The following GON4L variants were observed in gnomAD, a reference collection of about 807,000 sequenced individuals.
GON4L encodes the protein gon-4 like, also known as GON-4-like protein.
Under a neutral mutation model 211.8 loss-of-function variants are expected in GON4L, and 87 were observed. The observed-to-expected ratio is 0.41, with a 90% CI of 0.35 to 0.49. GON4L has a LOEUF of 0.49. Among genes scored for constraint, GON4L ranks in the 20% least tolerant of loss-of-function variants. GON4L has a pLI of 0.15. For missense variants in GON4L, 2,155 were observed against 2,659.5 expected, an observed-to-expected ratio of 0.81 and a Z score of 4.17; for synonymous variants, 875 against 962.6, an observed-to-expected ratio of 0.91 and a Z score of 1.68.
At chr1:155,745,709 G>A, downstream of GON4L, 2 of 828,680 alleles carry the variant, frequency 2.4e-6, no homozygotes, top group South Asian at 3.3e-5. Flanking sequence ...AATGGGAAAG[G>A]ATGTGTTTGC....
chr1:155,832,279 C>CAAAAAAAAAAAAAAAAAAAAAAAAAAAA (rs71080731), intron 2 of GON4L, among the ~76,000 whole-genome samples: 10 of 57,366 alleles, frequency 1.7e-4, no homozygotes, highest in African/African-American at 3.5e-4. Flanking sequence ...GACTCCGTCT[C>CAAAAAAAAAAAAAAAAAAAAAAAAAAAA]AAAAAAAAAA....
Position 155,826,910 on chromosome 1 carries a change from T to C in GON4L, c.624A>G (p.Gln208=). The C allele has an allele frequency of 1.2e-6, 2 of 1,614,020 alleles. No individual in the cohort carries two copies. The highest frequency in any genetic ancestry group is 1.7e-6 in the Non-Finnish European group (2 of 1,179,858). ...GAAACAGAGTCCTGAGTGGCTTTTC[T>C]TGAGGAGAGGCACAAACATCTGGCT... The part of the protein sequence containing the change: ...STQPDVCASP[Q]EKPLRTLFHQ... Residue 208 remains glutamine, a synonymous_variant, in exon 3 of 32, where the codon CAA becomes CAG. Transcript: ENST00000368331.
At chr1:155,848,333 C>G (rs1557930932) in intron 2 of GON4L, among the ~76,000 whole-genome samples, 1 of 152,198 alleles carries the variant, frequency 6.6e-6, no homozygotes, top group African/African-American at 2.4e-5. Context: ...TCACCATCCC[C>G]TACCCCAGAT....
intron 2 of GON4L, among the ~76,000 whole-genome samples, chr1:155,829,364 G>T (rs556256644): frequency 2.6e-5 from 4 of 152,278 alleles, no homozygotes; most frequent in South Asian, 4.1e-4. Flanking sequence ...CTAGCACTTT[G>T]GGAGGCCAAG....
intron 11 of GON4L, among the ~76,000 whole-genome samples, chr1:155,797,210 G>A (rs1362185104): frequency 6.6e-6 from 1 of 151,988 alleles, no homozygotes; most frequent in East Asian, 1.9e-4. Flanking sequence ...CACCTGCTGG[G>A]TTCAAGCGAT....
chr1:155,756,894 A>T, intron 27 of GON4L, 64 bp downstream of exon 27: 1 of 1,257,294 alleles, frequency 8.0e-7, no homozygotes, highest in Non-Finnish European at 1.2e-6. Context: ...ACGCCACTGC[A>T]CTCTAGTTTG....
At chr1:155,836,770 CCAGT>C (rs1158783303) in intron 2 of GON4L, among the ~76,000 whole-genome samples, 3 of 152,294 alleles carry the variant, frequency 2.0e-5, no homozygotes, top group Non-Finnish European at 4.4e-5. Context: ...CTTCTAATGA[CCAGT>C]CATTTTACTT....
At chr1:155,808,409 T>C (rs1340424125) in intron 10 of GON4L, among the ~76,000 whole-genome samples, 1 of 152,176 alleles carries the variant, frequency 6.6e-6, no homozygotes, top group Non-Finnish European at 1.5e-5. Flanking sequence ...GATCTAGCTC[T>C]TGCCTTGCTC....
intron 21 of GON4L, 40 bp from the exon 22 acceptor site, chr1:155,763,604 T>C (rs750847999): frequency 1.5e-5 from 22 of 1,488,240 alleles, no homozygotes; most frequent in Non-Finnish European, 2.0e-5. Context: ...TGGCTCTTAG[T>C]GGCTCATGAA....
intron 2 of GON4L, 87 bp downstream of exon 2, chr1:155,853,189 G>A: frequency 8.8e-7 from 1 of 1,132,202 alleles, no homozygotes. Flanking sequence ...TCCCCTTTCA[G>A]AAATACTACT....
At chr1:155,821,286 A>AAAT (rs1030422421) in intron 5 of GON4L, among the ~76,000 whole-genome samples, 188 bp downstream of exon 5, 3 of 151,328 alleles carry the variant, frequency 2.0e-5, no homozygotes, top group South Asian at 4.2e-4. Context: ...AATAATAATA[A>AAAT]AATAATAATA....
chr1:155,798,236 TTATAA>T (rs1280180483), intron 11 of GON4L, among the ~76,000 whole-genome samples: 16 of 142,420 alleles, frequency 1.1e-4, no homozygotes, highest in East Asian at 4.0e-4. Flanking sequence ...TATACTCAGC[TTATAA>T]TATATTAATT....
At chr1:155,772,145 C>T (rs186763679) in intron 18 of GON4L, among the ~76,000 whole-genome samples, 24 of 151,214 alleles carry the variant, frequency 1.6e-4, no homozygotes, top group African/African-American at 4.4e-4. Flanking sequence ...AAAAGTGAAA[C>T]TCTGTTTAAA....
rs772434398 is a variant in GON4L, at chr1:155,773,216, A to T, written c.2351-6T>A. ...CAAACAGGGAAATTCATTCGCTATA[A>T]GAAAATAAATCTCGGATAAATCAAC... On this transcript the variant is annotated splice_region_variant and splice_polypyrimidine_tract_variant and intron_variant, in intron 17 of 31. Transcript: ENST00000368331. The T allele has an allele frequency of 6.2e-7, 1 of 1,614,062 alleles. No individual in the cohort carries two copies. Among genetic ancestry groups the T allele is most frequent in the Admixed American group, 1.7e-5 (1 of 60,010 alleles).
At chr1:155,801,557 TTC>T (rs767067728) in intron 11 of GON4L, among the ~76,000 whole-genome samples, 6 of 152,152 alleles carry the variant, frequency 3.9e-5, no homozygotes, top group Admixed American at 1.3e-4. Context: ...TCTTGTTATT[TTC>T]TCTCTCTTTT....
At chr1:155,790,748 A>G (rs1005907984) in intron 12 of GON4L, among the ~76,000 whole-genome samples, 7 of 150,310 alleles carry the variant, frequency 4.7e-5, no homozygotes, top group African/African-American at 1.5e-4. Context: ...GATCGAGACC[A>G]TCCTGGCCAA....
At chr1:155,828,589 T>C (rs1669440147) in intron 2 of GON4L, among the ~76,000 whole-genome samples, 5 of 151,458 alleles carry the variant, frequency 3.3e-5, no homozygotes, top group African/African-American at 1.2e-4. Flanking sequence ...GGTGGATCAC[T>C]TGAGGTCAGG....
intron 12 of GON4L, among the ~76,000 whole-genome samples, chr1:155,787,499 G>A (rs1665080010): frequency 6.6e-6 from 1 of 152,164 alleles, no homozygotes; most frequent in Non-Finnish European, 1.5e-5. Flanking sequence ...CAGGCCACGG[G>A]CAGTGGCTTA....
chr1:155,819,323 G>C (rs961686221), intron 6 of GON4L, among the ~76,000 whole-genome samples: 10 of 151,190 alleles, frequency 6.6e-5, no homozygotes, highest in African/African-American at 2.4e-4. Context: ...GGGAGAAATT[G>C]GGGGATGTAT....
Sources: allele counts gnomAD v4.1 joint callset (sites outside exome capture counted in the v4.1 genomes callset), GRCh38; gene constraint gnomAD v4.1.1; transcripts MANE v1.5; gene names NCBI Gene and HGNC (gene_info 2026-07-23, HGNC 2026-07-21).